CTDP1: variants seen among roughly 807,000 people sequenced by gnomAD.
CTDP1 encodes CTD phosphatase 1.
In CTDP1, 47 loss-of-function variants were observed where a neutral mutation model predicts 91.8. That is an observed-to-expected ratio of 0.51 (90% CI 0.41 to 0.65). CTDP1 has a LOEUF of 0.65. CTDP1 is among the 30% of genes least tolerant of loss of function. The probability of loss-of-function intolerance (pLI) is 0.00; values close to 1 mark genes in which losing one functional copy is unlikely to be tolerated. For synonymous variants in CTDP1, 656 were observed against 598.5 expected, an observed-to-expected ratio of 1.10 and a Z score of -1.40; for missense variants, 1,272 against 1,373.7, an observed-to-expected ratio of 0.93 and a Z score of 1.17.
chr18:79,705,052 G>A, intron 5 of CTDP1, 135 bp downstream of exon 5: 1 of 1,384,428 alleles, frequency 7.2e-7, no homozygotes, highest in Non-Finnish European at 9.9e-7. Flanking sequence ...TGGCCGTTGT[G>A]CAGGGGGTTG....
intron 12 of CTDP1, among the ~76,000 whole-genome samples, chr18:79,741,223 C>T (rs187472353): frequency 3.3e-5 from 5 of 149,302 alleles, no homozygotes; most frequent in African/African-American, 7.4e-5. Flanking sequence ...TGAGGTCCCC[C>T]GTGTGGTTGA....
chr18:79,712,431 AC>A (rs2086103663), intron 6 of CTDP1, among the ~76,000 whole-genome samples: 1 of 151,912 alleles, frequency 6.6e-6, no homozygotes, highest in Non-Finnish European at 1.5e-5. Context: ...ACGGGCGCAC[AC>A]CCCCACACCT....
chr18:79,710,779 C>T (rs1314347875), intron 6 of CTDP1, among the ~76,000 whole-genome samples: 1 of 146,554 alleles, frequency 6.8e-6, no homozygotes, highest in Non-Finnish European at 1.5e-5. Context: ...ATCTCCTGAC[C>T]TCGTGATCTT....
intron 5 of CTDP1, among the ~76,000 whole-genome samples, chr18:79,708,352 AGGT>A (rs1287255300): frequency 6.6e-6 from 1 of 152,206 alleles, no homozygotes; most frequent in African/African-American, 2.4e-5. Context: ...GTGATCTCAG[AGGT>A]GGTGGTGCAG....
chr18:79,686,177 C>G (rs1188736531), intron 1 of CTDP1, among the ~76,000 whole-genome samples: 1 of 152,072 alleles, frequency 6.6e-6, no homozygotes, highest in Admixed American at 6.6e-5. Context: ...AGCACGTCTG[C>G]CTGGAAATGG....
chr18:79,721,671 C>T (rs942716111), intron 10 of CTDP1, among the ~76,000 whole-genome samples: 6 of 152,084 alleles, frequency 3.9e-5, no homozygotes, highest in East Asian at 1.9e-4. Flanking sequence ...AAGGATCTCT[C>T]GAGCTCAGGA....
At chr18:79,696,625 G>A (rs112000688) in intron 3 of CTDP1, among the ~76,000 whole-genome samples, 6,264 of 152,260 alleles carry the variant, frequency 0.041, 201 homozygotes, top group South Asian at 0.16. Context: ...ATGCAGGGGC[G>A]GGTTGGGGGT....
At chr18:79,737,130 A>G (rs1158586589) in intron 12 of CTDP1, among the ~76,000 whole-genome samples, 1 of 152,232 alleles carries the variant, frequency 6.6e-6, no homozygotes, top group African/African-American at 2.4e-5. Flanking sequence ...TTCCTTCGCC[A>G]TGAATGAGGC....
chr18:79,717,442 A>G, intron 8 of CTDP1, 93 bp from the exon 9 acceptor site: 1 of 1,562,108 alleles, frequency 6.4e-7, no homozygotes, highest in Middle Eastern at 2.3e-4. Context: ...GGTGGGGTAC[A>G]GCCAGGTGAG....
At chr18:79,742,830 C>G (rs547486417) in intron 12 of CTDP1, among the ~76,000 whole-genome samples, 3 of 152,086 alleles carry the variant, frequency 2.0e-5, no homozygotes, top group Non-Finnish European at 2.9e-5. Flanking sequence ...TGGTGGTGCA[C>G]GCCTGTAATT....
At chr18:79,710,201 T>TA in intron 5 of CTDP1, 145 bp from the exon 6 acceptor site, 1 of 754,188 alleles carries the variant, frequency 1.3e-6, no homozygotes, top group Non-Finnish European at 2.4e-6. Flanking sequence ...AGCCACGTCT[T>TA]ACCTCAAAAG....
intron 7 of CTDP1, among the ~76,000 whole-genome samples, chr18:79,714,041 T>G (rs78360022): frequency 1.3e-4 from 15 of 118,884 alleles, no homozygotes; most frequent in South Asian, 2.8e-4. Context: ...CGCCAGGTCG[T>G]CAGGGGCTTA....
chr18:79,710,259 T>A (rs116448879), intron 5 of CTDP1, 87 bp from the exon 6 acceptor site: 11 of 1,078,846 alleles, frequency 1.0e-5, no homozygotes, highest in Non-Finnish European at 1.6e-5. Context: ...TCTGCCACTT[T>A]AAAAAAAACA....
chr18:79,707,384 G>T lies in CTDP1; in HGVS notation c.772+2467G>T, dbSNP rs541436074. 4.6e-5 allele frequency among the ~76,000 whole-genome samples: 7 copies of T among 152,336 alleles called. No individual in the cohort carries two copies. In the South Asian group the frequency reaches 1.0e-3, roughly 23 times the overall value. On this transcript the variant is annotated intron_variant, in intron 5 of 12. Transcript: ENST00000613122. Reference sequence around the variant, plus strand: ...CAGCAGAGCATCCATGCAGACATCCGCAGGCCTCTGAGCCGCTTAGACAGC... The same window carrying T: ...CAGCAGAGCATCCATGCAGACATCCTCAGGCCTCTGAGCCGCTTAGACAGC...
At chr18:79,741,474 G>A (rs2086776917) in intron 12 of CTDP1, among the ~76,000 whole-genome samples, 1 of 152,388 alleles carries the variant, frequency 6.6e-6, no homozygotes. Context: ...CTGGCAAGAA[G>A]ATGAGCTGGT....
At chr18:79,725,154 C>T (rs1568204724) in intron 10 of CTDP1, among the ~76,000 whole-genome samples, 2 of 152,202 alleles carry the variant, frequency 1.3e-5, no homozygotes, top group Non-Finnish European at 2.9e-5. Context: ...AAACAATTCC[C>T]GTTGGTTGTG....
At chr18:79,706,925 C>T (rs1472946329) in intron 5 of CTDP1, among the ~76,000 whole-genome samples, 1 of 152,278 alleles carries the variant, frequency 6.6e-6, no homozygotes, top group African/African-American at 2.4e-5. Context: ...TGTTTCTTCT[C>T]CTCCTGTCCC....
At chr18:79,691,172 C>T (rs1037441480) in intron 1 of CTDP1, among the ~76,000 whole-genome samples, 3 of 152,206 alleles carry the variant, frequency 2.0e-5, no homozygotes, top group East Asian at 1.9e-4. Context: ...GTGGCACCTC[C>T]GTCTTGCAGT....
At chr18:79,743,164 C>A (rs1188945744) in intron 12 of CTDP1, among the ~76,000 whole-genome samples, 1 of 152,070 alleles carries the variant, frequency 6.6e-6, no homozygotes, top group Non-Finnish European at 1.5e-5. Flanking sequence ...GCACCTGTTC[C>A]CTGTCCTGCT....
Sources: allele counts gnomAD v4.1 joint callset (sites outside exome capture counted in the v4.1 genomes callset), GRCh38; gene constraint gnomAD v4.1.1; transcripts MANE v1.5; gene names NCBI Gene and HGNC (gene_info 2026-07-23, HGNC 2026-07-21).